The following PTPRT variants were observed in gnomAD, a reference collection of about 807,000 sequenced individuals.
PTPRT encodes protein tyrosine phosphatase receptor type T.
A neutral mutation model predicts 176.8 loss-of-function variants in PTPRT; 56 were observed. The ratio of observed to expected loss-of-function variants is 0.32; its 90% CI spans 0.26 to 0.40. The LOEUF (loss-of-function observed/expected upper bound fraction) is 0.40. Among genes scored for constraint, PTPRT ranks in the 10% least tolerant of loss-of-function variants. The pLI is 1.00. For missense variants in PTPRT, 1,540 were observed against 1,908.2 expected, an observed-to-expected ratio of 0.81 and a Z score of 3.60; for synonymous variants, 783 against 739.0, an observed-to-expected ratio of 1.06 and a Z score of -0.96.
At chr20:42,979,648 C>G (rs1027195646) in intron 1 of PTPRT, among the ~76,000 whole-genome samples, 6 of 152,104 alleles carry the variant, frequency 3.9e-5, no homozygotes. Flanking sequence ...ATCCTGCCCC[C>G]TTTGTAATCT....
intron 1 of PTPRT, among the ~76,000 whole-genome samples, chr20:42,968,032 C>G (rs1982402704): frequency 6.6e-6 from 1 of 152,134 alleles, no homozygotes; most frequent in African/African-American, 2.4e-5. Context: ...ATCCCCTCTC[C>G]CCTGGCCAGA....
chr20:43,117,524 G>A (rs1490215202), intron 1 of PTPRT, among the ~76,000 whole-genome samples: 1 of 152,052 alleles, frequency 6.6e-6, no homozygotes, highest in African/African-American at 2.4e-5. Context: ...CAGGTGGGTG[G>A]GGGACAGCCA....
At chr20:42,378,334 C>G (rs56865238) in intron 9 of PTPRT, among the ~76,000 whole-genome samples, 3 of 152,084 alleles carry the variant, frequency 2.0e-5, no homozygotes, top group Non-Finnish European at 4.4e-5. Context: ...GATCACACCT[C>G]TCTTCTTGGC....
intron 6 of PTPRT, among the ~76,000 whole-genome samples, chr20:42,744,397 C>T (rs1047696843): frequency 2.0e-5 from 3 of 152,156 alleles, no homozygotes; most frequent in African/African-American, 4.8e-5. Context: ...ACAATCAATA[C>T]GTGACAAGAA....
chr20:42,642,172 C>T (rs527827727), intron 7 of PTPRT, among the ~76,000 whole-genome samples: 1 of 152,254 alleles, frequency 6.6e-6, no homozygotes, highest in South Asian at 2.1e-4. Context: ...GAAGAGGATT[C>T]ACACACTCCT....
intron 1 of PTPRT, among the ~76,000 whole-genome samples, chr20:43,021,705 G>A (rs1301860096): frequency 6.6e-6 from 1 of 151,758 alleles, no homozygotes. Context: ...ATTGTTACTA[G>A]GTGTAAATAT....
Position 42,678,065 on chromosome 20 carries a change from G to A in PTPRT, c.954C>T (p.Gly318=), listed in dbSNP as rs2075538859. ...KPNANSIIGD[G]PIILKEVEYR... ...ATTCCACTTCCTTCAGGATGATGGG[G>A]CCATCCCCGATGATGGAGTTGGCAT... Residue 318 remains glycine (G), a synonymous_variant, in exon 7 of 31, where the codon GGC becomes GGT. Coordinates refer to ENST00000373187, the MANE Select transcript of PTPRT (RefSeq NM_007050.6). The A allele has an allele frequency of 1.2e-6, 2 of 1,614,168 alleles. No homozygotes were observed. Among genetic ancestry groups the A allele is most frequent in the Non-Finnish European group, 8.5e-7 (1 of 1,180,030 alleles).
Position 42,423,636 on chromosome 20 carries a change from T to C in PTPRT, c.1560+24584A>G, listed in dbSNP as rs187699682. On this transcript the variant is annotated intron_variant, in intron 9 of 30. Coordinates refer to ENST00000373187, the MANE Select transcript of PTPRT (RefSeq NM_007050.6). ...GTGCTGTTGACATCACAATCATAAT[T>C]CTGGAAACTTATTTGAAGGAAATAA... Among the ~76,000 whole-genome samples the C allele has an allele frequency of 1.3e-3, 194 of 152,306 alleles. 1 individual carries two copies. Among genetic ancestry groups the C allele is most frequent in the African/African-American group, 4.1e-3 (170 of 41,560 alleles).
At chr20:42,600,616 C>T (rs2073762711) in intron 7 of PTPRT, among the ~76,000 whole-genome samples, 1 of 152,112 alleles carries the variant, frequency 6.6e-6, no homozygotes, top group Admixed American at 6.5e-5. Context: ...CTGCTCCCAC[C>T]CTCCTACCTT....
In PTPRT at chr20:42,743,072, T is replaced by G. The variant is rs189144138; in HGVS notation, c.859+13390A>C. On this transcript the variant is annotated intron_variant, in intron 6 of 30. Coordinates refer to ENST00000373187, the MANE Select transcript of PTPRT (RefSeq NM_007050.6). Reference sequence around the variant, plus strand: ...CAAACCACAGAGCACATTTTGCCGCTGATTAACTCAAAGAGGAGGCTTTCC... The same window carrying G: ...CAAACCACAGAGCACATTTTGCCGCGGATTAACTCAAAGAGGAGGCTTTCC... Among the ~76,000 whole-genome samples the G allele has an allele frequency of 5.1e-4, 78 of 152,272 alleles. 1 individual carries two copies. Among genetic ancestry groups the G allele is most frequent in the African/African-American group, 1.8e-3 (73 of 41,550 alleles).
intron 9 of PTPRT, among the ~76,000 whole-genome samples, chr20:42,444,336 G>T (rs535159709): frequency 6.6e-6 from 1 of 152,180 alleles, no homozygotes; most frequent in Non-Finnish European, 1.5e-5. Context: ...TTGATTTCAT[G>T]GGTTTGACAT....
intron 7 of PTPRT, among the ~76,000 whole-genome samples, chr20:42,655,248 G>A (rs1259112372): frequency 1.3e-5 from 2 of 152,178 alleles, no homozygotes; most frequent in South Asian, 2.1e-4. Context: ...CCAGCACATT[G>A]GGAGGCCAAG....
chr20:42,582,265 T>A (rs890679563), intron 7 of PTPRT, among the ~76,000 whole-genome samples: 1 of 152,122 alleles, frequency 6.6e-6, no homozygotes, highest in Non-Finnish European at 1.5e-5. Flanking sequence ...TGTGGAGGGC[T>A]GGTCCCAAAG....
intron 7 of PTPRT, among the ~76,000 whole-genome samples, chr20:42,595,067 C>A (rs1323415321): frequency 6.6e-6 from 1 of 152,094 alleles, no homozygotes; most frequent in Non-Finnish European, 1.5e-5. Flanking sequence ...GGGCTCGTAC[C>A]ACTTGGGGCT....
intron 7 of PTPRT, among the ~76,000 whole-genome samples, chr20:42,593,879 G>T (rs1470749582): frequency 1.3e-5 from 2 of 152,180 alleles, no homozygotes; most frequent in African/African-American, 4.8e-5. Context: ...AATATTGGGA[G>T]GAGACGAGTT....
chr20:42,391,320 C>G (rs1284812688), intron 9 of PTPRT, among the ~76,000 whole-genome samples: 2 of 152,140 alleles, frequency 1.3e-5, no homozygotes, highest in Non-Finnish European at 2.9e-5. Context: ...TGGCTTGATT[C>G]TGAACACAAG....
At chr20:42,107,992 C>T (rs1046741176) in intron 23 of PTPRT, among the ~76,000 whole-genome samples, 1 of 152,140 alleles carries the variant, frequency 6.6e-6, no homozygotes, top group Admixed American at 6.5e-5. Context: ...CCCCAAAATC[C>T]AGATGCGGGG....
At chr20:43,161,038 G>A (rs1600760235) in intron 1 of PTPRT, among the ~76,000 whole-genome samples, 2 of 152,136 alleles carry the variant, frequency 1.3e-5, no homozygotes, top group African/African-American at 4.8e-5. Flanking sequence ...ACAGCCATGA[G>A]CCACTGTGTC....
At chr20:42,259,046 G>A (rs1336486092) in intron 13 of PTPRT, among the ~76,000 whole-genome samples, 1 of 152,170 alleles carries the variant, frequency 6.6e-6, no homozygotes, top group African/African-American at 2.4e-5. Flanking sequence ...TTTCGGCCTC[G>A]AATGGAGGTT....
Sources: gnomAD v4.1 joint callset for allele counts (sites outside exome capture counted in the v4.1 genomes callset) on GRCh38, gnomAD v4.1.1 for gene constraint, MANE v1.5 for transcripts, NCBI Gene and HGNC (gene_info 2026-07-23, HGNC 2026-07-21) for gene names.